Variants in SPRY3 observed in about 807,000 individuals in gnomAD.
SPRY3 encodes sprouty RTK signaling antagonist 3, also known as protein sprouty homolog 3.
A neutral mutation model predicts 20.2 loss-of-function variants in SPRY3; 15 were observed. The ratio of observed to expected loss-of-function variants is 0.74; its 90% CI spans 0.50 to 1.14. SPRY3 has a LOEUF of 1.14. Among genes scored for constraint, SPRY3 ranks in the 50% most tolerant of loss-of-function variants. The probability of loss-of-function intolerance (pLI) is 0.00; values close to 1 mark genes in which losing one functional copy is unlikely to be tolerated. For missense variants in SPRY3, 364 were observed against 363.9 expected (o/e 1.00, Z 0.00); for synonymous variants, 143 against 136.5 (o/e 1.05, Z -0.33).
At chrX:155,671,864 T>A (rs1205565826) in intron 2 of SPRY3, among the ~76,000 whole-genome samples, 2 of 111,803 alleles carry the variant, frequency 1.8e-5, no homozygotes, top group Non-Finnish European at 3.8e-5. Context: ...TTTCTACATA[T>A]GGCTAGCAAG....
intron 2 of SPRY3, among the ~76,000 whole-genome samples, chrX:155,696,115 G>A (rs1026357873): frequency 9.1e-6 from 1 of 109,814 alleles, no homozygotes; most frequent in African/African-American, 3.3e-5. Flanking sequence ...AAAATTTAAC[G>A]GGGAACTTGC....
chrX:155,637,429 A>G (rs2124533789), intron 1 of SPRY3, among the ~76,000 whole-genome samples: 1 of 111,233 alleles, frequency 9.0e-6, no homozygotes, highest in Non-Finnish European at 1.9e-5. Flanking sequence ...TCTTTGCCTA[A>G]AGAAGGTGCT....
chrX:155,684,397 AG>A (rs1490561107), intron 2 of SPRY3, among the ~76,000 whole-genome samples: 2 of 111,021 alleles, frequency 1.8e-5, no homozygotes, highest in African/African-American at 6.5e-5. Flanking sequence ...ACAGAAGGAA[AG>A]GGGGGACATT....
chrX:155,728,312 C>T (rs953367232), intron 2 of SPRY3, among the ~76,000 whole-genome samples: 46 of 152,184 alleles, frequency 3.0e-4, no homozygotes, highest in Non-Finnish European at 8.8e-5. Flanking sequence ...AGAGCTCAAA[C>T]GCCATACTGT....
intron 2 of SPRY3, among the ~76,000 whole-genome samples, chrX:155,670,812 C>T (rs987295791): frequency 8.9e-6 from 1 of 111,888 alleles, no homozygotes; most frequent in Non-Finnish European, 1.9e-5. Context: ...TCCAAGTTCA[C>T]ATAAGGCAGA....
intron 2 of SPRY3, among the ~76,000 whole-genome samples, chrX:155,661,820 T>C (rs1482574804): frequency 1.8e-5 from 2 of 112,042 alleles, no homozygotes; most frequent in Non-Finnish European, 3.8e-5. Flanking sequence ...CTTTGTTTAG[T>C]CTATTGTTAA....
intron 2 of SPRY3, among the ~76,000 whole-genome samples, chrX:155,732,624 TA>T (rs2091141128): frequency 6.6e-6 from 1 of 152,084 alleles, no homozygotes. Context: ...ATAGTTACCA[TA>T]TGATCCAGCA....
Position 155,697,273 on chromosome X carries a change from G to A in SPRY3, c.-282+40248G>A, listed in dbSNP as rs144930886. On this transcript the variant is annotated intron_variant, in intron 2 of 3. Transcript: ENST00000675360. ...ATAGAACAAAAGGTAGAGGAAAGGT[G>A]GATTCTTTCTCTTCCTGACTGCTTA... 9.0e-5 allele frequency among the ~76,000 whole-genome samples: 10 copies of A among 110,593 alleles called. No homozygotes were observed. The East Asian group carries it at 2.6e-3, about 28-fold the overall frequency.
intron 1 of SPRY3, among the ~76,000 whole-genome samples, chrX:155,620,243 CTTAG>C (rs1363007503): frequency 5.4e-5 from 6 of 111,195 alleles, no homozygotes; most frequent in Admixed American, 9.6e-5. Flanking sequence ...TTATAAGATT[CTTAG>C]TTAAACACAC....
rs190347093 is a variant in SPRY3, at chrX:155,715,737, A to G, written c.-281-52225A>G. 2.6e-5 allele frequency among the ~76,000 whole-genome samples: 4 copies of G among 152,260 alleles called. No individual in the cohort carries two copies. In the East Asian group the frequency reaches 5.8e-4, roughly 22 times the overall value. On this transcript the variant is annotated intron_variant, in intron 2 of 3. Transcript: ENST00000675360. ...GGCTTGACAAGAAACCCAAGTTCCAATTGCTGGGATACATGATACTGCTCT... is the reference window on the plus strand; with the variant it reads ...GGCTTGACAAGAAACCCAAGTTCCAGTTGCTGGGATACATGATACTGCTCT...
chrX:155,613,459 A>G (rs1392739869), intron 1 of SPRY3, among the ~76,000 whole-genome samples: 4 of 111,966 alleles, frequency 3.6e-5, no homozygotes, highest in African/African-American at 1.3e-4. Flanking sequence ...CTGAAATAGT[A>G]TATGCAATGG....
At chrX:155,667,616 G>C (rs2068028598) in intron 2 of SPRY3, among the ~76,000 whole-genome samples, 1 of 111,365 alleles carries the variant, frequency 9.0e-6, no homozygotes, top group Admixed American at 9.5e-5. Context: ...GATGGTGGTA[G>C]TGATGGTGGT....
At chrX:155,734,012 G>C (rs1447630871) in intron 2 of SPRY3, among the ~76,000 whole-genome samples, 1 of 152,094 alleles carries the variant, frequency 6.6e-6, no homozygotes, top group African/African-American at 2.4e-5. Flanking sequence ...CCACGAAAAC[G>C]TTCTCCGGAT....
chrX:155,771,092 G>C (rs2091377850), intron 3 of SPRY3, among the ~76,000 whole-genome samples: 1 of 152,114 alleles, frequency 6.6e-6, no homozygotes, highest in Non-Finnish European at 1.5e-5. Flanking sequence ...AGGCAAGACA[G>C]TGCATCATTA....
At chrX:155,728,513 C>T in intron 2 of SPRY3, among the ~76,000 whole-genome samples, 1 of 152,326 alleles carries the variant, frequency 6.6e-6, no homozygotes, top group Middle Eastern at 3.4e-3. Context: ...CAAGCCTCAG[C>T]AATGGTGGAC....
intron 2 of SPRY3, among the ~76,000 whole-genome samples, chrX:155,724,172 G>T (rs185217661): frequency 2.0e-5 from 3 of 152,304 alleles, no homozygotes; most frequent in Non-Finnish European, 4.4e-5. Flanking sequence ...GTACCATGCT[G>T]TTTTGGTTAC....
intron 2 of SPRY3, among the ~76,000 whole-genome samples, chrX:155,757,860 G>T (rs2091289267): frequency 6.6e-6 from 1 of 152,154 alleles, no homozygotes; most frequent in Non-Finnish European, 1.5e-5. Context: ...CATGAGATGG[G>T]TGCCCATCAG....
chrX:155,651,302 G>A (rs1232381874), intron 1 of SPRY3, among the ~76,000 whole-genome samples: 3 of 110,453 alleles, frequency 2.7e-5, no homozygotes, highest in East Asian at 2.8e-4. Context: ...CGAGTGATCT[G>A]CCCACCTCAG....
intron 2 of SPRY3, among the ~76,000 whole-genome samples, chrX:155,757,076 G>A (rs770257980): frequency 5.2e-4 from 79 of 152,230 alleles, no homozygotes; most frequent in African/African-American, 1.9e-3. Flanking sequence ...GTCATATTCT[G>A]TCATTCCTCT....
Sources: allele counts gnomAD v4.1 joint callset (sites outside exome capture counted in the v4.1 genomes callset), GRCh38; gene constraint gnomAD v4.1.1; transcripts MANE v1.5; gene names NCBI Gene and HGNC (gene_info 2026-07-23, HGNC 2026-07-21).